Variants in CDH23 observed in about 807,000 individuals in gnomAD.
CDH23 encodes the protein cadherin-23.
In CDH23, 189 loss-of-function variants were observed where a neutral mutation model predicts 317.1. The observed-to-expected ratio is 0.60, with a 90% CI of 0.53 to 0.67. The LOEUF is 0.67. Ranked by LOEUF, CDH23 falls within the 30% of genes least tolerant of loss-of-function variation. CDH23 has a pLI of 0.00. For synonymous variants in CDH23, 1,839 were observed against 1,876.8 expected (o/e 0.98, Z 0.52); for missense variants, 4,401 against 4,592.4 (o/e 0.96, Z 1.20).
chr10:71,613,066 C>T (rs895735219), intron 9 of CDH23, among the ~76,000 whole-genome samples: 13 of 152,286 alleles, frequency 8.5e-5, no homozygotes, highest in South Asian at 2.1e-4. Context: ...CCAGGCTGGT[C>T]TTGAACTCCT....
chr10:71,625,711 C>T (rs1167885741), intron 11 of CDH23, among the ~76,000 whole-genome samples: 8 of 152,184 alleles, frequency 5.3e-5, no homozygotes, highest in South Asian at 2.1e-4. Flanking sequence ...GCAAAGGTTG[C>T]GTTCCTGGCT....
At chr10:71,448,604 G>A (rs1037500100) in intron 3 of CDH23, among the ~76,000 whole-genome samples, 2 of 152,198 alleles carry the variant, frequency 1.3e-5, no homozygotes, top group African/African-American at 2.4e-5. Context: ...AAAGTCAGGA[G>A]CCCAACATCT....
At chr10:71,679,627 G>A (rs1276017797) in intron 17 of CDH23, 135 bp downstream of exon 17, 9 of 709,672 alleles carry the variant, frequency 1.3e-5, no homozygotes, top group Admixed American at 4.4e-5. Context: ...AAGCTGCCCG[G>A]AGCACCTGGG....
intron 1 of CDH23, among the ~76,000 whole-genome samples, chr10:71,406,745 A>G (rs1164034256): frequency 6.6e-6 from 1 of 152,254 alleles, no homozygotes; most frequent in East Asian, 1.9e-4. Context: ...TCATTCATTT[A>G]GGAAATAGTC....
At chr10:71,509,555 A>C (rs186203339) in intron 3 of CDH23, among the ~76,000 whole-genome samples, 7 of 152,156 alleles carry the variant, frequency 4.6e-5, no homozygotes, top group Admixed American at 4.6e-4. Context: ...CCAATGAGCA[A>C]CTCCCATGAA....
At chr10:71,401,525 C>T (rs1281261902) in intron 1 of CDH23, among the ~76,000 whole-genome samples, 1 of 152,200 alleles carries the variant, frequency 6.6e-6, no homozygotes, top group African/African-American at 2.4e-5. Context: ...CCAGTTTTAA[C>T]TCTTCATGGT....
chr10:71,797,519 A>G (rs577019634), intron 49 of CDH23, among the ~76,000 whole-genome samples: 1 of 152,326 alleles, frequency 6.6e-6, no homozygotes, highest in South Asian at 2.1e-4. Context: ...AGATTGAGAA[A>G]AAATGGTTAG....
chr10:71,719,997 C>G (rs536318752), intron 28 of CDH23, among the ~76,000 whole-genome samples: 2 of 152,216 alleles, frequency 1.3e-5, no homozygotes, highest in African/African-American at 4.8e-5. Flanking sequence ...TCTGGGGAGA[C>G]GCAGGGGGAG....
At chr10:71,778,338 G>A (rs755599876) in intron 40 of CDH23, 30 bp downstream of exon 40, 2 of 1,613,016 alleles carry the variant, frequency 1.2e-6, no homozygotes, top group Non-Finnish European at 1.7e-6. Flanking sequence ...CCCCAACTTG[G>A]GCTTGGAGGT....
chr10:71,548,064 C>T (rs1318644262), intron 6 of CDH23, among the ~76,000 whole-genome samples: 2 of 152,196 alleles, frequency 1.3e-5, no homozygotes, highest in Admixed American at 6.5e-5. Context: ...TTCTCTGCAC[C>T]GGAATAGATT....
At chr10:71,632,592 G>A (rs940984807) in intron 11 of CDH23, among the ~76,000 whole-genome samples, 3 of 152,080 alleles carry the variant, frequency 2.0e-5, no homozygotes, top group Non-Finnish European at 4.4e-5. Flanking sequence ...TCCAGCAATG[G>A]GAGTGACAGA....
At chr10:71,417,438 C>G (rs1848584466) in intron 1 of CDH23, among the ~76,000 whole-genome samples, 1 of 152,260 alleles carries the variant, frequency 6.6e-6, no homozygotes, top group South Asian at 2.1e-4. Flanking sequence ...TAGGATTTAT[C>G]CAATCTTTGG....
intron 14 of CDH23, among the ~76,000 whole-genome samples, chr10:71,658,261 A>G (rs1863500321): frequency 6.6e-6 from 1 of 152,026 alleles, no homozygotes; most frequent in African/African-American, 2.4e-5. Context: ...GAGAAAGAGG[A>G]AGAGAGAGGG....
At chr10:71,813,427 C>T in intron 69 of CDH23, 79 bp downstream of exon 69, 1 of 1,233,826 alleles carries the variant, frequency 8.1e-7, no homozygotes, top group Non-Finnish European at 1.2e-6. Context: ...TCCTGCTGTC[C>T]TTCTCTATGT....
chr10:71,565,078 C>T (rs1278603049), intron 6 of CDH23, among the ~76,000 whole-genome samples: 1 of 152,132 alleles, frequency 6.6e-6, no homozygotes, highest in East Asian at 1.9e-4. Flanking sequence ...AGCCGTGGGC[C>T]CCCATGAAGT....
chr10:71,798,535 C>G lies in CDH23; in HGVS notation c.7011C>G (p.Asp2337Glu), dbSNP rs749516076. ...GGCTGGTCACCTACACCCTGCTGGA[C>G]CTGGTGCCCCCAGGGTATGTCCAGC... Reference protein sequence around the residue: ...LNGLVTYTLLDLVPPGYVQLE... With the variant: ...LNGLVTYTLLELVPPGYVQLE... Residue 2337 changes from aspartate to glutamate, a missense_variant, in exon 50 of 70, where the codon GAC becomes GAG. Coordinates refer to ENST00000224721, the MANE Select transcript of CDH23 (RefSeq NM_022124.6). 9.9e-6 allele frequency: 16 copies of G among 1,613,566 alleles called. No individual in the cohort carries two copies. Among genetic ancestry groups the G allele is most frequent in the Non-Finnish European group, 1.4e-5 (16 of 1,179,682 alleles).
intron 22 of CDH23, 68 bp downstream of exon 22, chr10:71,695,593 G>A (rs538381906): frequency 8.2e-5 from 89 of 1,085,770 alleles, no homozygotes; most frequent in African/African-American, 6.1e-4. Context: ...CTCCCACTGC[G>A]ATTCCAGGGG....
intron 1 of CDH23, among the ~76,000 whole-genome samples, chr10:71,421,278 C>T (rs1009248259): frequency 6.6e-6 from 1 of 152,240 alleles, no homozygotes; most frequent in African/African-American, 2.4e-5. Context: ...GCCCAGCCCT[C>T]TGCCTTCTGC....
intron 49 of CDH23, 112 bp downstream of exon 49, chr10:71,797,332 T>G: frequency 2.8e-6 from 2 of 712,330 alleles, no homozygotes; most frequent in Non-Finnish European, 4.8e-6. Flanking sequence ...AAGACCCAGT[T>G]GCTCTGGGGG....
Sources: allele counts gnomAD v4.1 joint callset (sites outside exome capture counted in the v4.1 genomes callset), GRCh38; gene constraint gnomAD v4.1.1; transcripts MANE v1.5; gene names NCBI Gene and HGNC (gene_info 2026-07-23, HGNC 2026-07-21).